Variants in ITLN2 observed in about 807,000 individuals in gnomAD.
ITLN2 encodes intelectin 2.
Under a neutral mutation model 39.4 loss-of-function variants are expected in ITLN2, and 29 were observed. That is an observed-to-expected ratio of 0.74 (90% CI 0.55 to 1.00). The LOEUF is 1.00. ITLN2 is among the 50% of genes least tolerant of loss of function. ITLN2 has a pLI of 0.00. For missense variants in ITLN2, 412 were observed against 416.7 expected (o/e 0.99, Z 0.10); for synonymous variants, 156 against 153.4 (o/e 1.02, Z -0.12).
At chr1:160,949,785 C>A in intron 6 of ITLN2, 1 of 380,372 alleles carries the variant, frequency 2.6e-6, no homozygotes, top group Admixed American at 3.7e-5. Flanking sequence ...TTTTTCTTTT[C>A]CCCACAATTA....
At chr1:160,953,232 C>T (rs1301400054) in intron 2 of ITLN2, among the ~76,000 whole-genome samples, 2 of 152,144 alleles carry the variant, frequency 1.3e-5, no homozygotes, top group African/African-American at 4.8e-5. Context: ...GAGCCCAGCC[C>T]AGCCCAGCCT....
chr1:160,945,686 G>A (rs977930479), intron 7 of ITLN2, among the ~76,000 whole-genome samples: 2 of 152,154 alleles, frequency 1.3e-5, no homozygotes, highest in African/African-American at 4.8e-5. Context: ...CTGAAAGCTG[G>A]GGCAGGGAAG....
Position 160,954,391 on chromosome 1 carries a change from A to C in ITLN2, c.75T>G (p.Ser25Arg). The change falls in exon 2 of 8, where the codon AGT becomes AGG. Residue 25 changes from serine (S) to arginine (R), a missense_variant. Transcript: ENST00000368029. Reference protein sequence around the residue: ...LFFSVATSGCSAAAASSLEML... With the variant: ...LFFSVATSGCRAAAASSLEML... Reference sequence around the variant, plus strand: ...CTACTCTCAGAAGCCATTTACCTGCACTGCACCCACTGGTGGCCACAGAGA... The same window carrying C: ...CTACTCTCAGAAGCCATTTACCTGCCCTGCACCCACTGGTGGCCACAGAGA... 3 of 1,571,528 alleles carry C rather than the reference A, an allele frequency of 1.9e-6. No individual in the cohort carries two copies. Among genetic ancestry groups the C allele is most frequent in the Non-Finnish European group, 2.6e-6 (3 of 1,156,450 alleles).
At chr1:160,950,912 A>G in intron 4 of ITLN2, 131 bp downstream of exon 4, 1 of 1,539,644 alleles carries the variant, frequency 6.5e-7, no homozygotes, top group Non-Finnish European at 8.9e-7. Context: ...TTGTGATTCA[A>G]GTCCTGTATT....
intron 2 of ITLN2, 54 bp downstream of exon 2, chr1:160,954,333 C>A: frequency 1.5e-6 from 2 of 1,328,608 alleles, no homozygotes; most frequent in Middle Eastern, 1.8e-4. Context: ...CCAGGCCCTG[C>A]ACAGCAGAGG....
chr1:160,952,767 C>G, intron 2 of ITLN2, 34 bp from the exon 3 acceptor site: 3 of 1,494,676 alleles, frequency 2.0e-6, no homozygotes, highest in Non-Finnish European at 2.8e-6. Context: ...CATTAGAAGT[C>G]TGACCACTGA....
rs1188120919 is a variant in ITLN2, at chr1:160,948,251, G to T, written c.722-219C>A. ...AACCTCTGTTCATAGGGGGCAAGAG[G>T]ACAAAGGCTGGGACTCACAAAAGGA... On this transcript the variant is annotated intron_variant, in intron 6 of 7. Transcript: ENST00000368029. Among the ~76,000 whole-genome samples, 7 of 152,308 alleles carry T rather than the reference G, an allele frequency of 4.6e-5. No homozygotes were observed. The South Asian group carries it at 1.0e-3, about 23-fold the overall frequency.
intron 3 of ITLN2, 171 bp from the exon 4 acceptor site, chr1:160,951,461 G>C: frequency 1.3e-6 from 1 of 791,704 alleles, no homozygotes. Context: ...ATGAGCAGAG[G>C]CACTGACTGT....
At chr1:160,948,988 G>A (rs1374065199) in intron 6 of ITLN2, 1 of 152,222 alleles carries the variant, frequency 6.6e-6, no homozygotes, top group Non-Finnish European at 1.5e-5. Context: ...CAGTCTCTGA[G>A]TTCCCTCAGT....
At chr1:160,950,254 T>C (rs1225740799) in intron 5 of ITLN2, 88 bp from the exon 6 acceptor site, 1 of 1,415,530 alleles carries the variant, frequency 7.1e-7, no homozygotes, top group African/African-American at 1.4e-5. Context: ...TTAACTGCCA[T>C]TACCCAAAAC....
At position 160,952,638 on chromosome 1, in the gene ITLN2, G is replaced by A. The variant is rs550649438; in HGVS notation, c.175C>T (p.Arg59Cys). ...LPRSCKEIKE[R>C]CHSAGDGLYF... ...TACTCACCACCTGCACTATGGCAGC[G>A]TTCCTTGATTTCTTTGCAGCTTCTA... Residue 59 changes from arginine (R) to cysteine (C), a missense_variant, in exon 3 of 8, where the codon CGC becomes TGC. Coordinates refer to ENST00000368029, the MANE Select transcript of ITLN2 (RefSeq NM_080878.3). The A allele has an allele frequency of 2.5e-5, 40 of 1,613,478 alleles. No homozygotes were observed. The highest frequency in any genetic ancestry group is 2.5e-4 in the East Asian group (11 of 44,888).
chr1:160,954,553 A>T (rs1056501607), intron 1 of ITLN2, 103 bp from the exon 2 acceptor site: 2 of 1,236,194 alleles, frequency 1.6e-6, no homozygotes, highest in African/African-American at 3.0e-5. Flanking sequence ...TCAAATGGAA[A>T]GTGATGGGCT....
rs1671732737 is a variant in ITLN2 at position 160,951,126 on chromosome 1, C to T, written c.358G>A (p.Ala120Thr). ...DRWSSQQGNK[A>T]DYPEGDGNWA... Reference sequence around the variant, plus strand: ...TTGCCATCCCCCTCTGGGTAGTCTGCTTTGTTGCCCTGCTGACTGGACCAG... The same window carrying T: ...TTGCCATCCCCCTCTGGGTAGTCTGTTTTGTTGCCCTGCTGACTGGACCAG... The change falls in exon 4 of 8, where the codon GCA (alanine) becomes ACA (threonine). Residue 120 changes from alanine (A) to threonine (T), a missense_variant. Coordinates refer to ENST00000368029, the MANE Select transcript of ITLN2 (RefSeq NM_080878.3). 1.9e-6 allele frequency: 3 copies of T among 1,614,180 alleles called. No individual in the cohort carries two copies. Among genetic ancestry groups the T allele is most frequent in the East Asian group, 4.5e-5 (2 of 44,870 alleles).
At chr1:160,946,749 GA>G (rs1671614277) in intron 7 of ITLN2, among the ~76,000 whole-genome samples, 4 of 149,286 alleles carry the variant, frequency 2.7e-5, no homozygotes, top group Middle Eastern at 6.8e-3. Context: ...ACTCTTCAAA[GA>G]AAAAAAAAGA....
At chr1:160,946,201 C>T (rs907358573) in intron 7 of ITLN2, among the ~76,000 whole-genome samples, 2 of 151,270 alleles carry the variant, frequency 1.3e-5, no homozygotes, top group Non-Finnish European at 2.9e-5. Flanking sequence ...ATCCCAGCTA[C>T]TCAGGAGGCT....
intron 6 of ITLN2, among the ~76,000 whole-genome samples, chr1:160,948,433 A>C (rs886649727): frequency 6.6e-6 from 1 of 152,188 alleles, no homozygotes; most frequent in Non-Finnish European, 1.5e-5. Flanking sequence ...AGTTTCCCTG[A>C]CCATCACCTG....
At chr1:160,950,889 T>G in intron 4 of ITLN2, 154 bp downstream of exon 4, 1 of 1,497,832 alleles carries the variant, frequency 6.7e-7, no homozygotes, top group Non-Finnish European at 9.1e-7. Flanking sequence ...CTAACAGCCT[T>G]GTTGAGAGGA....
chr1:160,952,060 C>G (rs1266807659), intron 3 of ITLN2, among the ~76,000 whole-genome samples: 1 of 152,184 alleles, frequency 6.6e-6, no homozygotes, highest in East Asian at 1.9e-4. Context: ...TGTCACTCGC[C>G]CTCTTTTCTG....
intron 1 of ITLN2, 74 bp from the exon 2 acceptor site, chr1:160,954,524 C>G: frequency 1.5e-6 from 2 of 1,334,680 alleles, no homozygotes; most frequent in East Asian, 4.9e-5. Flanking sequence ...ACTTCCTAAC[C>G]TTTCTGAGTC....
Sources: gnomAD v4.1 joint callset for allele counts (sites outside exome capture counted in the v4.1 genomes callset) on GRCh38, gnomAD v4.1.1 for gene constraint, MANE v1.5 for transcripts, NCBI Gene and HGNC (gene_info 2026-07-23, HGNC 2026-07-21) for gene names.